The following CALN1 variants were observed in gnomAD, a reference collection of about 807,000 sequenced individuals.
CALN1 encodes the protein calcium-binding protein 8.
CALN1 carries 17 observed loss-of-function variants against 30.6 expected under a neutral mutation model. That is an observed-to-expected ratio of 0.56 (90% CI 0.38 to 0.83). The LOEUF (loss-of-function observed/expected upper bound fraction) is 0.83. Ranked by LOEUF, CALN1 falls within the 40% of genes least tolerant of loss-of-function variation. CALN1 has a pLI of 0.00. For synonymous variants in CALN1, 156 were observed against 131.4 expected, an observed-to-expected ratio of 1.19 and a Z score of -1.28; for missense variants, 291 against 354.9, an observed-to-expected ratio of 0.82 and a Z score of 1.45.
At chr7:72,002,840 C>A (rs1056436710) in intron 5 of CALN1, among the ~76,000 whole-genome samples, 1 of 152,086 alleles carries the variant, frequency 6.6e-6, no homozygotes, top group Non-Finnish European at 1.5e-5. Flanking sequence ...TATGTAGAAT[C>A]TAAAAAAGTT....
intron 3 of CALN1, among the ~76,000 whole-genome samples, chr7:72,145,030 A>G (rs1786591300): frequency 6.6e-6 from 1 of 152,228 alleles, no homozygotes; most frequent in African/African-American, 2.4e-5. Flanking sequence ...GGAAGTTCTA[A>G]AAATGACACC....
At chr7:72,103,764 G>C (rs10268010) in intron 4 of CALN1, among the ~76,000 whole-genome samples, 33 of 151,874 alleles carry the variant, frequency 2.2e-4, no homozygotes, top group Admixed American at 6.6e-4. Flanking sequence ...GAAATGGAGG[G>C]GGGGGGAAGG....
chr7:72,032,531 T>C (rs895681813), intron 4 of CALN1, among the ~76,000 whole-genome samples: 1 of 152,172 alleles, frequency 6.6e-6, no homozygotes, highest in African/African-American at 2.4e-5. Flanking sequence ...TGCCTTCCCT[T>C]GATATCAGAG....
chr7:72,055,477 CAAAT>C (rs1803192918), intron 4 of CALN1, among the ~76,000 whole-genome samples: 1 of 151,980 alleles, frequency 6.6e-6, no homozygotes, highest in East Asian at 1.9e-4. Flanking sequence ...GGGAAATACA[CAAAT>C]AGATATGGTA....
the CALN1 span, among the ~76,000 whole-genome samples, chr7:72,499,686 A>G: frequency 1.3e-4 from 20 of 152,128 alleles, no homozygotes. Context: ...ATATTTGGGC[A>G]AATATAAAAG....
the CALN1 span, among the ~76,000 whole-genome samples, chr7:72,483,292 T>C: frequency 9.6e-5 from 14 of 146,166 alleles, no homozygotes; most frequent in African/African-American, 3.3e-4. Context: ...TTTTTTTTTT[T>C]TTTTTTTTTT....
At chr7:72,145,597 G>GA (rs1462721143) in intron 3 of CALN1, among the ~76,000 whole-genome samples, 16 of 152,296 alleles carry the variant, frequency 1.1e-4, no homozygotes, top group Admixed American at 9.8e-4. Flanking sequence ...TAGAAAAAGA[G>GA]GGAATCCTCC....
At chr7:72,382,015 GAA>G (rs1804932158) in intron 2 of CALN1, among the ~76,000 whole-genome samples, 1 of 152,304 alleles carries the variant, frequency 6.6e-6, no homozygotes, top group Admixed American at 6.5e-5. Context: ...AAATCAATGA[GAA>G]GAGACTCACA....
chr7:72,405,192 AAG>A (rs1003864763), intron 1 of CALN1, among the ~76,000 whole-genome samples: 2 of 152,188 alleles, frequency 1.3e-5, no homozygotes, highest in African/African-American at 4.8e-5. Context: ...AGACACCTTA[AAG>A]AGAGTAAGTG....
intron 5 of CALN1, among the ~76,000 whole-genome samples, chr7:71,953,992 T>C (rs1313708973): frequency 2.0e-5 from 3 of 152,164 alleles, no homozygotes; most frequent in Non-Finnish European, 4.4e-5. Flanking sequence ...GAATCTGGCT[T>C]ACTGGAACAA....
intron 5 of CALN1, among the ~76,000 whole-genome samples, chr7:71,811,851 G>A (rs62459042): frequency 0.023 from 3,453 of 151,716 alleles, 62 homozygotes; most frequent in Non-Finnish European, 0.036. Context: ...GCTAATTTTT[G>A]TATTTTTAGT....
intron 5 of CALN1, among the ~76,000 whole-genome samples, chr7:71,929,165 T>C (rs1795422977): frequency 6.6e-6 from 1 of 152,218 alleles, no homozygotes; most frequent in Non-Finnish European, 1.5e-5. Context: ...GTGCAGGATG[T>C]GCAGGTTTGT....
chr7:72,095,434 C>A (rs1429435024), intron 4 of CALN1, among the ~76,000 whole-genome samples: 1 of 152,186 alleles, frequency 6.6e-6, no homozygotes, highest in Non-Finnish European at 1.5e-5. Context: ...TTCACTAACA[C>A]AGAGTGAAAT....
chr7:71,955,335 G>A (rs1796905668), intron 5 of CALN1, among the ~76,000 whole-genome samples: 1 of 152,148 alleles, frequency 6.6e-6, no homozygotes, highest in South Asian at 2.1e-4. Flanking sequence ...AATTCAAGAT[G>A]AGATTTGGGT....
intron 2 of CALN1, among the ~76,000 whole-genome samples, chr7:72,356,186 T>C (rs1368932264): frequency 2.0e-5 from 3 of 152,152 alleles, no homozygotes; most frequent in African/African-American, 7.2e-5. Flanking sequence ...AGAATTGCTA[T>C]AGTGAGCTAT....
At chr7:72,406,593 C>T (rs575171047) in intron 1 of CALN1, among the ~76,000 whole-genome samples, 1 of 151,066 alleles carries the variant, frequency 6.6e-6, no homozygotes, top group East Asian at 2.0e-4. Flanking sequence ...AATTCCTAGA[C>T]CCACATGAGG....
chr7:72,027,348 T>G (rs1237047758), intron 4 of CALN1, among the ~76,000 whole-genome samples: 1 of 152,186 alleles, frequency 6.6e-6, no homozygotes, highest in African/African-American at 2.4e-5. Context: ...TCTCACTATC[T>G]GCACCCACAG....
rs1221305676 is a variant in CALN1 at position 72,278,815 on chromosome 7, C to T, written c.120-5G>A. On this transcript the variant is annotated splice_polypyrimidine_tract_variant and splice_region_variant and intron_variant, in intron 2 of 6. Coordinates refer to ENST00000395275, the MANE Select transcript of CALN1 (RefSeq NM_031468.4). ...TGGTGGAACGGCATCTTTTCCCTGC[C>T]CAAGAGAGAACAGGGGAGGGGAAAA... is the stretch of plus-strand genomic sequence containing the variant. 1 of 1,610,464 alleles carries T rather than the reference C, an allele frequency of 6.2e-7. No individual in the cohort carries two copies. The highest frequency in any genetic ancestry group is 2.2e-5 in the East Asian group (1 of 44,726).
intron 3 of CALN1, among the ~76,000 whole-genome samples, chr7:72,235,023 C>T (rs1407893453): frequency 6.6e-6 from 1 of 152,138 alleles, no homozygotes; most frequent in Non-Finnish European, 1.5e-5. Flanking sequence ...AATCCTACCA[C>T]TTTGGGAGGC....
Sources: allele counts gnomAD v4.1 joint callset (sites outside exome capture counted in the v4.1 genomes callset), GRCh38; gene constraint gnomAD v4.1.1; transcripts MANE v1.5; gene names NCBI Gene and HGNC (gene_info 2026-07-23, HGNC 2026-07-21).